Variants in TMEM17 observed in about 807,000 individuals in gnomAD.
The protein encoded by TMEM17 is transmembrane protein 17.
A neutral mutation model predicts 19.1 loss-of-function variants in TMEM17; 15 were observed. The ratio of observed to expected loss-of-function variants is 0.78; its 90% CI spans 0.52 to 1.21. The LOEUF (loss-of-function observed/expected upper bound fraction) is 1.21. Among genes scored for constraint, TMEM17 ranks in the 50% most tolerant of loss-of-function variants. The probability of loss-of-function intolerance (pLI) is 0.00; values close to 1 mark genes in which losing one functional copy is unlikely to be tolerated. For synonymous variants in TMEM17, 103 were observed against 86.9 expected, an observed-to-expected ratio of 1.19 and a Z score of -1.03; for missense variants, 245 against 242.3, an observed-to-expected ratio of 1.01 and a Z score of -0.07.
the TMEM17 span, among the ~76,000 whole-genome samples, chr2:62,481,548 A>G: frequency 2.0e-5 from 3 of 152,126 alleles, no homozygotes; most frequent in Non-Finnish European, 4.4e-5. Context: ...TCCTGGTTCA[A>G]TATAATGTTA....
At chr2:62,465,842 G>A in the TMEM17 span, among the ~76,000 whole-genome samples, 1 of 152,150 alleles carries the variant, frequency 6.6e-6, no homozygotes, top group African/African-American at 2.4e-5. Context: ...ATGTGGAAAG[G>A]TACCCAGTAC....
At chr2:62,463,779 C>G in the TMEM17 span, 6 of 152,094 alleles carry the variant, frequency 3.9e-5, no homozygotes, top group Non-Finnish European at 8.8e-5. Flanking sequence ...TCAAATGTTG[C>G]GTTTTCCTAA....
At chr2:62,456,090 G>A in the TMEM17 span, among the ~76,000 whole-genome samples, 110 of 152,326 alleles carry the variant, frequency 7.2e-4, no homozygotes, top group African/African-American at 2.5e-3. Context: ...GAGGTTTATC[G>A]GGTTCACTGT....
At chr2:62,467,367 C>T in the TMEM17 span, among the ~76,000 whole-genome samples, 1 of 151,836 alleles carries the variant, frequency 6.6e-6, no homozygotes, top group Admixed American at 6.6e-5. Context: ...AACTGCAGCC[C>T]AGAAAGGAGA....
chr2:62,468,498 T>A, the TMEM17 span, among the ~76,000 whole-genome samples: 2 of 152,234 alleles, frequency 1.3e-5, no homozygotes, highest in Non-Finnish European at 2.9e-5. Flanking sequence ...GGGTCCTGAC[T>A]TGAGCTGTTG....
the TMEM17 span, among the ~76,000 whole-genome samples, chr2:62,462,125 T>C: frequency 6.6e-6 from 1 of 152,166 alleles, no homozygotes; most frequent in African/African-American, 2.4e-5. Flanking sequence ...ACCCCTCCGG[T>C]AGGCCTAGCT....
At chr2:62,464,116 C>T in the TMEM17 span, 2 of 152,278 alleles carry the variant, frequency 1.3e-5, no homozygotes, top group African/African-American at 4.8e-5. Flanking sequence ...CGGACAAGAG[C>T]TCAGGGGCCA....
the TMEM17 span, among the ~76,000 whole-genome samples, chr2:62,488,792 CTTTT>C: frequency 3.6e-3 from 432 of 118,986 alleles, 4 homozygotes; most frequent in South Asian, 0.021. Context: ...TTTTATTCTA[CTTTT>C]TTTTTTTTTT....
At chr2:62,477,612 G>A in the TMEM17 span, among the ~76,000 whole-genome samples, 2 of 152,190 alleles carry the variant, frequency 1.3e-5, no homozygotes, top group South Asian at 4.1e-4. Flanking sequence ...GACATGGGCT[G>A]GCTCTTAAGG....
chr2:62,480,945 T>C, the TMEM17 span, among the ~76,000 whole-genome samples: 1 of 152,276 alleles, frequency 6.6e-6, no homozygotes, highest in South Asian at 2.1e-4. Flanking sequence ...TTTCCATTTC[T>C]GTGGAGTATG....
At chr2:62,497,058 A>G (rs1215385060), downstream of TMEM17, among the ~76,000 whole-genome samples, 2 of 152,344 alleles carry the variant, frequency 1.3e-5, no homozygotes, top group African/African-American at 4.8e-5. Flanking sequence ...ATCTCTGAAA[A>G]GATGAATTAG....
chr2:62,477,214 T>C, the TMEM17 span, among the ~76,000 whole-genome samples: 1 of 152,032 alleles, frequency 6.6e-6, no homozygotes. Flanking sequence ...CTGGCCAACA[T>C]AGTGAAACCC....
At chr2:62,456,090 G>C in the TMEM17 span, among the ~76,000 whole-genome samples, 1 of 152,208 alleles carries the variant, frequency 6.6e-6, no homozygotes. Context: ...GAGGTTTATC[G>C]GGTTCACTGT....
the TMEM17 span, among the ~76,000 whole-genome samples, chr2:62,458,899 G>A: frequency 6.6e-6 from 1 of 152,190 alleles, no homozygotes; most frequent in Non-Finnish European, 1.5e-5. Flanking sequence ...CAGACAGTTT[G>A]AGGAGAAACT....
chr2:62,477,494 C>T, the TMEM17 span, among the ~76,000 whole-genome samples: 5 of 152,262 alleles, frequency 3.3e-5, no homozygotes, highest in Non-Finnish European at 7.3e-5. Context: ...GAGGGTTACA[C>T]TGGAGCCATT....
the TMEM17 span, among the ~76,000 whole-genome samples, chr2:62,485,507 A>G: frequency 1.4e-4 from 22 of 152,194 alleles, no homozygotes; most frequent in Admixed American, 6.5e-5. Flanking sequence ...AGGTCTAATA[A>G]TGAGTATATT....
the TMEM17 span, among the ~76,000 whole-genome samples, chr2:62,472,018 G>A: frequency 1.3e-5 from 2 of 152,224 alleles, no homozygotes; most frequent in Non-Finnish European, 1.5e-5. Flanking sequence ...CAAAGCCCCA[G>A]GAGCAGTAGT....
chr2:62,455,526 G>T, the TMEM17 span, among the ~76,000 whole-genome samples: 1 of 152,222 alleles, frequency 6.6e-6, no homozygotes, highest in Non-Finnish European at 1.5e-5. Flanking sequence ...CAGCACTTTG[G>T]GAGGCCAAGG....
At chr2:62,483,760 C>T in the TMEM17 span, among the ~76,000 whole-genome samples, 10 of 151,930 alleles carry the variant, frequency 6.6e-5, no homozygotes, top group Non-Finnish European at 1.0e-4. Flanking sequence ...CCACCGCGCC[C>T]GGCTAATTTT....
Sources: gnomAD v4.1 joint callset for allele counts (sites outside exome capture counted in the v4.1 genomes callset) on GRCh38, gnomAD v4.1.1 for gene constraint, MANE v1.5 for transcripts, NCBI Gene and HGNC (gene_info 2026-07-23, HGNC 2026-07-21) for gene names.